DUOXA2: variants seen among roughly 807,000 people sequenced by gnomAD.
DUOXA2 encodes the protein dual oxidase maturation factor 2.
In DUOXA2, 22 loss-of-function variants were observed where a neutral mutation model predicts 27.6. That is an observed-to-expected ratio of 0.80 (90% CI 0.57 to 1.14). The LOEUF (loss-of-function observed/expected upper bound fraction) is 1.14, where lower values mean the gene tolerates loss of function less well. Among genes scored for constraint, DUOXA2 ranks in the 50% most tolerant of loss-of-function variants. DUOXA2 has a pLI of 0.00. For missense variants in DUOXA2, 481 were observed against 419.9 expected, an observed-to-expected ratio of 1.15 and a Z score of -1.27; for synonymous variants, 188 against 184.4, an observed-to-expected ratio of 1.02 and a Z score of -0.16.
rs1227027885 is a variant in DUOXA2, at chr15:45,116,653, A to T, written c.478A>T (p.Lys160Ter). ...GGACCCAGTGCTCTACCTGGCGGAG[A>T]AGTTCACACCGAGTAGCCCTTGCGG... ...LPDPVLYLAEKFTPSSPCGLY... is the reference protein window; with the variant it reads ...LPDPVLYLAE Residue 160 changes from lysine to a stop codon, truncating the protein, a stop_gained, in exon 4 of 6, where the codon AAG becomes TAG. Transcript: ENST00000323030. LOFTEE classifies it high-confidence loss of function. The T allele has an allele frequency of 1.2e-6, 2 of 1,613,642 alleles. No individual in the cohort carries two copies. The highest frequency in any genetic ancestry group is 2.7e-5 in the African/African-American group (2 of 74,914).
rs765383347 is a variant in DUOXA2, at chr15:45,117,066, A to G, written c.555-25A>G. On this transcript the variant is annotated intron_variant, in intron 4 of 5. Coordinates refer to ENST00000323030, the MANE Select transcript of DUOXA2 (RefSeq NM_207581.4). ...GGTGGGCTGGGAGAAGCCCGCTCACAGCGGGTCCCCCCACTCCCCGGCAGG... is the reference window on the plus strand; with the variant it reads ...GGTGGGCTGGGAGAAGCCCGCTCACGGCGGGTCCCCCCACTCCCCGGCAGG... 1.1e-5 allele frequency: 17 copies of G among 1,595,628 alleles called. No homozygotes were observed. In the Admixed American group the frequency reaches 1.7e-4, roughly 16 times the overall value.
chr15:45,116,484 G>A (rs1292576978), intron 3 of DUOXA2, 32 bp from the exon 4 acceptor site: 4 of 1,610,762 alleles, frequency 2.5e-6, no homozygotes, highest in East Asian at 2.2e-5. Flanking sequence ...CTCCGACCGC[G>A]GGCAGCCCCA....
rs1438468633 is a variant in DUOXA2 at position 45,114,385 on chromosome 15, C to A, written c.-221C>A. ...ACAGACAGTGAGAAATAGTTTCGCT[C>A]GCCGGCTAGAAAAACTCTGTCGGTA... On this transcript the variant is annotated 5_prime_UTR_variant, in exon 1 of 6. Coordinates refer to ENST00000323030, the MANE Select transcript of DUOXA2 (RefSeq NM_207581.4). 3.3e-6 allele frequency: 2 copies of A among 611,154 alleles called. No individual in the cohort carries two copies. The highest frequency in any genetic ancestry group is 5.7e-6 in the Non-Finnish European group (2 of 348,044). The allele number at this position is 611,154 out of a possible 1,614,324, so 37.9% of individuals were successfully genotyped here.
In DUOXA2 at chr15:45,117,709, G is replaced by T. The variant is rs773750998; in HGVS notation, c.770-7G>T. 6.8e-6 allele frequency: 11 copies of T among 1,613,274 alleles called. No individual in the cohort carries two copies. In the East Asian group the frequency reaches 2.5e-4, roughly 36 times the overall value. ...GCCCTCCTTTCTTTCGATCCCCACC[G>T]CCACAGGCGTCCTGTGCCTCTTCCT... On this transcript the variant is annotated splice_polypyrimidine_tract_variant and splice_region_variant and intron_variant, in intron 5 of 5. Coordinates refer to ENST00000323030, the MANE Select transcript of DUOXA2 (RefSeq NM_207581.4).
chr15:45,118,082 C>G lies in DUOXA2; in HGVS notation c.*173C>G, dbSNP rs1894802898. The G allele has an allele frequency of 6.6e-7, 1 of 1,522,250 alleles. No homozygotes were observed. The highest frequency in any genetic ancestry group is 8.8e-7 in the Non-Finnish European group (1 of 1,137,346). 94.3% of individuals were successfully genotyped at this position (1,522,250 alleles called of 1,614,324 possible). ...CTCCTGGGGCGATCTGTAAATAAAC[C>G]TTTTTTTCTTTTGTTTTTTAAAAAC... On this transcript the variant is annotated 3_prime_UTR_variant, in exon 6 of 6. Transcript: ENST00000323030.
chr15:45,114,642 C>CA lies in DUOXA2; in HGVS notation c.38dup (p.Pro14AlafsTer96), dbSNP rs1566980291. 6.2e-7 allele frequency: 1 copy of CA among 1,614,244 alleles called. No individual in the cohort carries two copies. The highest frequency in any genetic ancestry group is 8.5e-7 in the Non-Finnish European group (1 of 1,180,032). On this transcript the variant is annotated frameshift_variant, in exon 1 of 6. Coordinates refer to ENST00000323030, the MANE Select transcript of DUOXA2 (RefSeq NM_207581.4). LOFTEE classifies it high-confidence loss of function. ...GAACGGCGTACTGCCTTTTTACCCC[C>CA]AGCCCCGGCATGCCGCAGGCTTCAG...
intron 5 of DUOXA2, 172 bp downstream of exon 5, chr15:45,117,477 C>T (rs1428865883): frequency 1.1e-5 from 17 of 1,550,082 alleles, no homozygotes; most frequent in Non-Finnish European, 1.5e-5. Context: ...AAGTGGGGGG[C>T]TCAGAAGGGT....
rs760087622 is a variant in DUOXA2 at position 45,114,689 on chromosome 15, T to G, written c.84T>G (p.Ile28Met). Residue 28 changes from isoleucine (I) to methionine (M), a missense_variant, in exon 1 of 6, where the codon ATT becomes ATG. Physicochemically the swap from Ile to Met is conservative, Grantham distance 10. Transcript: ENST00000323030. ...AGFSVPLLIV[I>M]LVFLALAASF... ...TCAGCGTTCCACTGCTCATCGTTAT[T>G]CTAGTGTTTTTGGCTCTAGCAGCAA... 2 of 1,614,092 alleles carry G rather than the reference T, an allele frequency of 1.2e-6. No homozygotes were observed. The highest frequency in any genetic ancestry group is 2.7e-5 in the African/African-American group (2 of 74,928).
Position 45,117,165 on chromosome 15 carries a change from T to C in DUOXA2, c.629T>C (p.Leu210Pro). 1 of 1,604,778 alleles carries C rather than the reference T, an allele frequency of 6.2e-7. No homozygotes were observed. The highest frequency in any genetic ancestry group is 8.5e-7 in the Non-Finnish European group (1 of 1,179,868). The change falls in exon 5 of 6, where the codon CTG (leucine) becomes CCG (proline). Residue 210 changes from leucine (L) to proline (P), a missense_variant. By Grantham distance (98) the Leu-to-Pro change is moderately conservative. Transcript: ENST00000323030. ...TPAPLYGGLA[L>P]LTTGAFALFG... ...GCCCCGCTCTACGGAGGCCTGGCAC[T>C]GCTGACCACCGGAGCCTTCGCGCTC...
At chr15:45,116,446 C>T (rs1595533837) in intron 3 of DUOXA2, 70 bp from the exon 4 acceptor site, 1 of 1,592,010 alleles carries the variant, frequency 6.3e-7, no homozygotes, top group Non-Finnish European at 8.6e-7. Context: ...CCCCCACTTT[C>T]CTGTCTGAAT....
chr15:45,115,810 G>T lies in DUOXA2; in HGVS notation c.159G>T (p.Trp53Cys). The change falls in exon 2 of 6, where the codon TGG becomes TGT. Residue 53 changes from tryptophan to cysteine, a missense_variant. Trp to Cys is a radical substitution (Grantham distance 215, BLOSUM62 -2). Transcript: ENST00000323030. ...GCCTATTCCTGCAGCGCTGGTTTTG[G>T]TTGGTGAGAGTTCTTCTCAGTCTGT... ...PGIRGHSRWFWLVRVLLSLFI... is the reference protein window; with the variant it reads ...PGIRGHSRWFCLVRVLLSLFI... 1 of 1,614,126 alleles carries T rather than the reference G, an allele frequency of 6.2e-7. No individual in the cohort carries two copies. The highest frequency in any genetic ancestry group is 1.7e-5 in the Admixed American group (1 of 60,028).
rs775520936 is a variant in DUOXA2, at chr15:45,116,105, C to T, written c.206-19C>T. 1.4e-5 allele frequency: 22 copies of T among 1,613,660 alleles called. No individual in the cohort carries two copies. Among genetic ancestry groups the T allele is most frequent in the South Asian group, 1.3e-4 (12 of 91,058 alleles). On this transcript the variant is annotated intron_variant, in intron 2 of 5. Transcript: ENST00000323030. Reference sequence around the variant, plus strand: ...TTTCCCACCCTCATCCCACCCCCACCGTGTGCCTTTCCCTACAGCTGTGCA... The same window carrying T: ...TTTCCCACCCTCATCCCACCCCCACTGTGTGCCTTTCCCTACAGCTGTGCA...
At chr15:45,115,071 C>G (rs926727367) in intron 1 of DUOXA2, among the ~76,000 whole-genome samples, 3 of 152,188 alleles carry the variant, frequency 2.0e-5, no homozygotes, top group Admixed American at 2.0e-4. Flanking sequence ...TCTCCCAGGA[C>G]TAAAGCTGCA....
At chr15:45,115,551 C>T (rs1311037453) in intron 1 of DUOXA2, 1 of 665,770 alleles carries the variant, frequency 1.5e-6, no homozygotes, top group East Asian at 2.9e-5. Context: ...TGGAAGAGTG[C>T]CAGGAAGTGG....
rs202201713 is a variant in DUOXA2, at chr15:45,116,482, G to T, written c.341-34G>T. On this transcript the variant is annotated intron_variant, in intron 3 of 5. Transcript: ENST00000323030. ...CCGCTTAGTTGCGAGGTCTCCGACC[G>T]CGGGCAGCCCCATGAGCCCGCCTCA... is the stretch of plus-strand genomic sequence containing the variant. The T allele has an allele frequency of 1.4e-5, 23 of 1,610,874 alleles. No homozygotes were observed. The East Asian group carries it at 2.5e-4, about 17-fold the overall frequency.
rs1324326447 is a variant in DUOXA2, at chr15:45,115,866, T to C, written c.205+10T>C. On this transcript the variant is annotated intron_variant, in intron 2 of 5. Transcript: ENST00000323030. ...GGCGCAGAAATTGTGGGTGAGTGTG[T>C]GGTGCAGCCCATGGGGAGAGGACGG... The C allele has an allele frequency of 3.1e-6, 5 of 1,613,956 alleles. No individual in the cohort carries two copies. The South Asian group carries it at 3.3e-5, about 11-fold the overall frequency.
At position 45,117,124 on chromosome 15, in the gene DUOXA2, G is replaced by T. The variant is rs750070990; in HGVS notation, c.588G>T (p.Val196=). Residue 196 remains valine, a synonymous_variant, in exon 5 of 6, where the codon GTG becomes GTT. Coordinates refer to ENST00000323030, the MANE Select transcript of DUOXA2 (RefSeq NM_207581.4). ...VAFCFWLLSN[V]LLSTPAPLYG... ...TCTGCTTCTGGCTCCTCTCCAACGT[G>T]CTGCTCTCCACGCCGGCCCCGCTCT... The T allele has an allele frequency of 3.7e-6, 6 of 1,600,654 alleles. No individual in the cohort carries two copies. The highest frequency in any genetic ancestry group is 5.1e-6 in the Non-Finnish European group (6 of 1,179,888).
intron 2 of DUOXA2, 28 bp from the exon 3 acceptor site, chr15:45,116,096 C>T (rs772211371): frequency 6.2e-7 from 1 of 1,613,224 alleles, no homozygotes; most frequent in Non-Finnish European, 8.5e-7. Context: ...ACCCTCATCC[C>T]ACCCCCACCG....
rs552806267 is a variant in DUOXA2, at chr15:45,116,233, G to C, written c.315G>C (p.Leu105=). 1 of 1,614,006 alleles carries C rather than the reference G, an allele frequency of 6.2e-7. No homozygotes were observed. Among genetic ancestry groups the C allele is most frequent in the Admixed American group, 1.7e-5 (1 of 60,018 alleles). ...CCCGTGTCCGTCTGCTCGTGGGCCT[G>C]GAGGGCATTAATATTACACTCACAG... ...VTARVRLLVG[L]EGINITLTGT... is the part of the protein sequence containing the mutation. The change falls in exon 3 of 6, where the codon CTG becomes CTC. Residue 105 remains leucine (L), a synonymous_variant. Coordinates refer to ENST00000323030, the MANE Select transcript of DUOXA2 (RefSeq NM_207581.4).
Sources: gnomAD v4.1 joint callset for allele counts (sites outside exome capture counted in the v4.1 genomes callset) on GRCh38, gnomAD v4.1.1 for gene constraint, MANE v1.5 for transcripts, NCBI Gene and HGNC (gene_info 2026-07-23, HGNC 2026-07-21) for gene names.